GRIP1: variants seen among roughly 807,000 people sequenced by gnomAD.
GRIP1 encodes glutamate receptor-interacting protein 1.
GRIP1 carries 45 observed loss-of-function variants against 129.9 expected under a neutral mutation model. That is an observed-to-expected ratio of 0.35 (90% CI 0.27 to 0.44). The LOEUF (loss-of-function observed/expected upper bound fraction) is 0.44. GRIP1 is among the 20% of genes least tolerant of loss of function. GRIP1 has a pLI of 1.00. For missense variants in GRIP1, 1,196 were observed against 1,396.8 expected, an observed-to-expected ratio of 0.86 and a Z score of 2.29; for synonymous variants, 530 against 520.8, an observed-to-expected ratio of 1.02 and a Z score of -0.24.
At chr12:66,958,605 T>A (rs374900271) in intron 1 of GRIP1, among the ~76,000 whole-genome samples, 2 of 152,306 alleles carry the variant, frequency 1.3e-5, no homozygotes, top group African/African-American at 4.8e-5. Context: ...ATTTTTGACC[T>A]AACAATCTAG....
At chr12:66,369,902 G>A (rs1468703536) in intron 23 of GRIP1, among the ~76,000 whole-genome samples, 1 of 152,122 alleles carries the variant, frequency 6.6e-6, no homozygotes, top group Non-Finnish European at 1.5e-5. Context: ...ATCTATTTAG[G>A]GTAACTGGAT....
At chr12:66,398,850 A>T (rs1304844878) in intron 16 of GRIP1, among the ~76,000 whole-genome samples, 1 of 151,992 alleles carries the variant, frequency 6.6e-6, no homozygotes. Context: ...ATGTTCTAGC[A>T]TATGCCTTTC....
chr12:66,511,207 C>G (rs2060688762), intron 7 of GRIP1, among the ~76,000 whole-genome samples: 1 of 152,296 alleles, frequency 6.6e-6, no homozygotes, highest in Non-Finnish European at 1.5e-5. Context: ...CTTCTCCTGT[C>G]TGCTGCCATG....
chr12:66,704,461 A>C (rs1318654633), intron 1 of GRIP1, among the ~76,000 whole-genome samples: 4 of 152,094 alleles, frequency 2.6e-5, no homozygotes, highest in Non-Finnish European at 5.9e-5. Flanking sequence ...GAAAAAATGG[A>C]CAAAAGATGT....
At chr12:67,007,199 T>C (rs1358219105) in intron 1 of GRIP1, among the ~76,000 whole-genome samples, 2 of 152,150 alleles carry the variant, frequency 1.3e-5, no homozygotes, top group Non-Finnish European at 2.9e-5. Context: ...TACATCATTA[T>C]GATTTTCTTC....
At chr12:66,809,144 T>A (rs1245350905), upstream of GRIP1, among the ~76,000 whole-genome samples, 1 of 152,242 alleles carries the variant, frequency 6.6e-6, no homozygotes, top group Non-Finnish European at 1.5e-5. Flanking sequence ...ATTATTTTCT[T>A]TTTTGGGAAG....
chr12:66,711,543 A>G (rs1053969945), intron 1 of GRIP1, among the ~76,000 whole-genome samples: 9 of 151,860 alleles, frequency 5.9e-5, no homozygotes, highest in African/African-American at 2.2e-4. Context: ...GCTCTTAGAT[A>G]TTAAAAAGCC....
intron 7 of GRIP1, among the ~76,000 whole-genome samples, chr12:66,492,684 A>G (rs1456857578): frequency 6.6e-6 from 1 of 152,196 alleles, no homozygotes; most frequent in Non-Finnish European, 1.5e-5. Flanking sequence ...TAGAAGGGAC[A>G]GCAAATAAGT....
At chr12:66,659,916 G>C (rs1027380966) in intron 1 of GRIP1, among the ~76,000 whole-genome samples, 1 of 152,074 alleles carries the variant, frequency 6.6e-6, no homozygotes, top group Non-Finnish European at 1.5e-5. Flanking sequence ...CTCCCAAAAC[G>C]CATAGAGTTA....
intron 13 of GRIP1, among the ~76,000 whole-genome samples, chr12:66,433,198 G>A (rs1056175196): frequency 6.6e-6 from 1 of 152,142 alleles, no homozygotes; most frequent in African/African-American, 2.4e-5. Flanking sequence ...GTGGAGAGGT[G>A]CCTTAATTTG....
intron 2 of GRIP1, among the ~76,000 whole-genome samples, chr12:66,555,443 G>T (rs770574137): frequency 6.6e-6 from 1 of 152,156 alleles, no homozygotes; most frequent in Non-Finnish European, 1.5e-5. Flanking sequence ...TCCCAAGAAG[G>T]ATGGGTACAA....
At chr12:66,711,651 A>G (rs2035716343) in intron 1 of GRIP1, among the ~76,000 whole-genome samples, 1 of 151,866 alleles carries the variant, frequency 6.6e-6, no homozygotes, top group South Asian at 2.1e-4. Flanking sequence ...TGGTAAATTT[A>G]TGTGTCTTAT....
exon 1 of GRIP1, chr12:67,069,087 A>ATTC: frequency 3.1e-6 from 3 of 983,548 alleles, no homozygotes; most frequent in Non-Finnish European, 3.6e-6. Flanking sequence ...AGATAGGGAT[A>ATTC]TTCTTCTTCC....
At chr12:66,504,246 A>C (rs952695795) in intron 7 of GRIP1, among the ~76,000 whole-genome samples, 9 of 152,224 alleles carry the variant, frequency 5.9e-5, no homozygotes, top group Admixed American at 5.2e-4. Flanking sequence ...AGCAAATTCC[A>C]ACTTCTCAAA....
intron 1 of GRIP1, among the ~76,000 whole-genome samples, chr12:66,711,617 T>C (rs2035715374): frequency 6.6e-6 from 1 of 151,876 alleles, no homozygotes; most frequent in African/African-American, 2.4e-5. Context: ...GGTAGAATAA[T>C]TGAGTGCACA....
Position 66,542,804 on chromosome 12 carries a change from T to A in GRIP1, c.137-854A>T, listed in dbSNP as rs193059824. On this transcript the variant is annotated intron_variant, in intron 2 of 24. Transcript: ENST00000359742. ...AATTATCTGTGATGTTATTCCCCTA[T>A]CTGCAAATATATTTTCTTGGTAGGG... 1.3e-3 allele frequency among the ~76,000 whole-genome samples: 202 copies of A among 152,318 alleles called. 1 individual carries two copies. Among genetic ancestry groups the A allele is most frequent in the African/African-American group, 4.5e-3 (187 of 41,566 alleles).
At chr12:66,821,133 TTTC>T (rs2039309752) in intron 1 of GRIP1, among the ~76,000 whole-genome samples, 1 of 152,210 alleles carries the variant, frequency 6.6e-6, no homozygotes, top group Non-Finnish European at 1.5e-5. Context: ...AACTCTGTGC[TTTC>T]TGATCAATTT....
At chr12:67,043,393 T>C (rs1592507007) in intron 1 of GRIP1, among the ~76,000 whole-genome samples, 1 of 152,264 alleles carries the variant, frequency 6.6e-6, no homozygotes, top group Middle Eastern at 3.4e-3. Flanking sequence ...CCCTCAAATA[T>C]CATTTTTCTT....
chr12:66,812,734 T>G (rs543751491), intron 1 of GRIP1, among the ~76,000 whole-genome samples: 1 of 152,340 alleles, frequency 6.6e-6, no homozygotes, highest in East Asian at 1.9e-4. Context: ...ATGCTAGATG[T>G]TTAATCCATG....
Sources: allele counts gnomAD v4.1 joint callset (sites outside exome capture counted in the v4.1 genomes callset), GRCh38; gene constraint gnomAD v4.1.1; transcripts MANE v1.5; gene names NCBI Gene and HGNC (gene_info 2026-07-23, HGNC 2026-07-21).